Variants in DCC observed in about 807,000 individuals in gnomAD.
DCC encodes the protein DCC netrin 1 receptor, also known as netrin receptor DCC.
Under a neutral mutation model 172.5 loss-of-function variants are expected in DCC, and 58 were observed. That is an observed-to-expected ratio of 0.34 (90% confidence interval 0.27 to 0.42). The LOEUF is 0.42. Ranked by LOEUF, DCC falls within the 10% of genes least tolerant of loss-of-function variation. The pLI, the probability that DCC is intolerant of heterozygous loss-of-function variation, is 1.00. For synonymous variants in DCC, 709 were observed against 644.5 expected (o/e 1.10, Z -1.52); for missense variants, 1,740 against 1,791.0 (o/e 0.97, Z 0.51).
intron 1 of DCC, among the ~76,000 whole-genome samples, chr18:52,512,148 T>C (rs549742442): frequency 6.6e-5 from 10 of 152,288 alleles, no homozygotes; most frequent in African/African-American, 2.4e-4. Context: ...ATGTGTGTAA[T>C]AGATTAGGGG....
chr18:52,507,867 G>A (rs765225487), intron 1 of DCC, among the ~76,000 whole-genome samples: 4 of 152,086 alleles, frequency 2.6e-5, no homozygotes, highest in African/African-American at 7.2e-5. Flanking sequence ...TTGGGAGGCC[G>A]AGGCAGGTGG....
intron 25 of DCC, among the ~76,000 whole-genome samples, chr18:53,477,117 T>C (rs2045773562): frequency 6.6e-6 from 1 of 152,218 alleles, no homozygotes; most frequent in Admixed American, 6.5e-5. Flanking sequence ...CAAGCAATCT[T>C]CCTGCCTCAG....
chr18:53,367,295 A>G (rs2058017287), intron 15 of DCC, among the ~76,000 whole-genome samples: 1 of 152,072 alleles, frequency 6.6e-6, no homozygotes, highest in South Asian at 2.1e-4. Context: ...TAGCCCTCTC[A>G]TTTCAAGAGA....
In DCC at chr18:53,215,608, T is replaced by C. The variant is rs1358650530; in HGVS notation, c.1911+11T>C. 6.2e-7 allele frequency: 1 copy of C among 1,609,012 alleles called. No homozygotes were observed. On this transcript the variant is annotated intron_variant, in intron 12 of 28. Transcript: ENST00000442544. Reference sequence around the variant, plus strand: ...GTGGTCAATTCAAGAGTAAGTTGGCTAAATGTTCACTACTCCATTACCTAT... The same window carrying C: ...GTGGTCAATTCAAGAGTAAGTTGGCCAAATGTTCACTACTCCATTACCTAT...
chr18:53,428,329 A>ATG (rs1911209846), intron 21 of DCC, among the ~76,000 whole-genome samples: 1 of 61,634 alleles, frequency 1.6e-5, no homozygotes, highest in Non-Finnish European at 3.2e-5. Context: ...AATATAATAT[A>ATG]ATATATTGTA....
intron 1 of DCC, among the ~76,000 whole-genome samples, chr18:52,486,777 G>A (rs946341266): frequency 8.5e-5 from 13 of 152,186 alleles, no homozygotes; most frequent in African/African-American, 2.6e-4. Flanking sequence ...TAAATAATGG[G>A]GTTGATTCTG....
At chr18:52,705,013 A>G (rs928765842) in intron 1 of DCC, among the ~76,000 whole-genome samples, 4 of 152,112 alleles carry the variant, frequency 2.6e-5, no homozygotes, top group Admixed American at 6.6e-5. Flanking sequence ...AGTTGGTGAG[A>G]TCATCCTGGG....
At chr18:53,439,467 C>T (rs895867060) in intron 22 of DCC, among the ~76,000 whole-genome samples, 3 of 152,090 alleles carry the variant, frequency 2.0e-5, no homozygotes, top group African/African-American at 7.2e-5. Context: ...TTTCCTAGCT[C>T]CCTCTACACT....
In DCC at chr18:53,288,340, G is replaced by A. The variant is rs371952774; in HGVS notation, c.1912-17238G>A. On this transcript the variant is annotated intron_variant, in intron 12 of 28. Transcript: ENST00000442544. ...AATAACTATTGTTCTGATGGACAATGGCATATTCTGAACTACTTCCTGGTC... is the reference window on the plus strand; with the variant it reads ...AATAACTATTGTTCTGATGGACAATAGCATATTCTGAACTACTTCCTGGTC... Among the ~76,000 whole-genome samples the A allele has an allele frequency of 8.6e-4, 131 of 152,126 alleles. 1 individual carries two copies. The highest frequency in any genetic ancestry group is 2.8e-3 in the African/African-American group (117 of 41,532).
chr18:52,563,558 C>A (rs1326041906), intron 1 of DCC, among the ~76,000 whole-genome samples: 1 of 152,132 alleles, frequency 6.6e-6, no homozygotes, highest in Non-Finnish European at 1.5e-5. Context: ...GTTTTGGAAT[C>A]TTTCAGGAAC....
chr18:52,580,442 T>C (rs899114681), intron 1 of DCC, among the ~76,000 whole-genome samples: 3 of 152,136 alleles, frequency 2.0e-5, no homozygotes, highest in Non-Finnish European at 4.4e-5. Context: ...AAGGCCAGAC[T>C]GGGAATGTTG....
chr18:52,984,548 T>C (rs184774591), intron 5 of DCC, among the ~76,000 whole-genome samples: 130 of 152,284 alleles, frequency 8.5e-4, no homozygotes, highest in Non-Finnish European at 1.6e-3. Context: ...AAATATGTTT[T>C]GTAGAAATCC....
chr18:52,954,807 G>A (rs1388088573), intron 5 of DCC, among the ~76,000 whole-genome samples: 1 of 152,152 alleles, frequency 6.6e-6, no homozygotes, highest in South Asian at 2.1e-4. Context: ...GAGAGGAGTT[G>A]TATAAATATT....
At chr18:53,372,553 G>A (rs148711299) in intron 15 of DCC, among the ~76,000 whole-genome samples, 75 of 151,852 alleles carry the variant, frequency 4.9e-4, no homozygotes, top group African/African-American at 1.7e-3. Flanking sequence ...CCAAACCCCC[G>A]TGAATGCTGT....
At chr18:52,586,082 C>CAA (rs5824949) in intron 1 of DCC, among the ~76,000 whole-genome samples, 1,178 of 73,218 alleles carry the variant, frequency 0.016, 134 homozygotes, top group Non-Finnish European at 0.022. Context: ...GACTCCGTCT[C>CAA]AAAAAAAAAA....
chr18:52,879,797 A>G (rs2039457102), intron 2 of DCC, among the ~76,000 whole-genome samples: 1 of 152,128 alleles, frequency 6.6e-6, no homozygotes, highest in African/African-American at 2.4e-5. Flanking sequence ...AGGTAAACAA[A>G]TGGGCATAAC....
At chr18:53,102,380 A>G (rs1202276889) in intron 7 of DCC, among the ~76,000 whole-genome samples, 1 of 152,086 alleles carries the variant, frequency 6.6e-6, no homozygotes, top group African/African-American at 2.4e-5. Context: ...GAGATAAGTG[A>G]TCATTCCGTG....
intron 27 of DCC, among the ~76,000 whole-genome samples, chr18:53,513,910 A>C (rs2046297149): frequency 6.6e-6 from 1 of 151,352 alleles, no homozygotes; most frequent in Admixed American, 6.6e-5. Context: ...TCAACAAGAC[A>C]GAAAGTCAAC....
chr18:53,072,402 G>A (rs2042666847), intron 7 of DCC, among the ~76,000 whole-genome samples: 1 of 152,106 alleles, frequency 6.6e-6, no homozygotes, highest in Non-Finnish European at 1.5e-5. Context: ...ATAATAAGAT[G>A]AATTTAAGAT....
Sources: allele counts gnomAD v4.1 joint callset (sites outside exome capture counted in the v4.1 genomes callset), GRCh38; gene constraint gnomAD v4.1.1; transcripts MANE v1.5; gene names NCBI Gene and HGNC (gene_info 2026-07-23, HGNC 2026-07-21).